Variants in SCNN1B observed in about 807,000 individuals in gnomAD.
SCNN1B encodes epithelial sodium channel subunit beta.
SCNN1B carries 46 observed loss-of-function variants against 65.3 expected under a neutral mutation model. The observed-to-expected ratio is 0.70, with a 90% CI of 0.56 to 0.90. The LOEUF is 0.90. SCNN1B is among the 40% of genes least tolerant of loss of function. SCNN1B has a pLI of 0.00. For missense variants in SCNN1B, 751 were observed against 830.5 expected, an observed-to-expected ratio of 0.90 and a Z score of 1.18; for synonymous variants, 349 against 330.6, an observed-to-expected ratio of 1.06 and a Z score of -0.60.
chr16:23,339,010 C>G (rs1251724067), intron 1 of SCNN1B, among the ~76,000 whole-genome samples: 2 of 152,210 alleles, frequency 1.3e-5, no homozygotes, highest in East Asian at 3.8e-4. Context: ...AAAAGGCTCC[C>G]TGTACAACTT....
intron 2 of SCNN1B, among the ~76,000 whole-genome samples, chr16:23,349,740 G>A (rs1288516689): frequency 1.3e-5 from 2 of 152,034 alleles, no homozygotes; most frequent in Non-Finnish European, 2.9e-5. Context: ...GCCTGCCAGA[G>A]CAAACATGCC....
At chr16:23,339,157 C>T (rs570796851) in intron 1 of SCNN1B, among the ~76,000 whole-genome samples, 3 of 152,206 alleles carry the variant, frequency 2.0e-5, no homozygotes, top group East Asian at 1.9e-4. Flanking sequence ...GCTTTTTACT[C>T]GGCTTAATAT....
intron 1 of SCNN1B, among the ~76,000 whole-genome samples, chr16:23,303,608 T>C (rs1961130648): frequency 6.6e-6 from 1 of 151,908 alleles, no homozygotes; most frequent in African/African-American, 2.4e-5. Flanking sequence ...CCATAGAAAA[T>C]ATGTAAAATA....
Position 23,323,413 on chromosome 16 carries a change from G to T in SCNN1B, c.-9+20976G>T, listed in dbSNP as rs1336169825. 3 of 619,564 alleles carry T rather than the reference G, an allele frequency of 4.8e-6. No homozygotes were observed. In the African/African-American group the frequency reaches 5.5e-5, roughly 11 times the overall value. The allele number at this position is 619,564 out of a possible 1,614,324, so 38.4% of individuals were successfully genotyped here. A position where few individuals can be genotyped will look rare whatever the true frequency, so the allele number is the denominator to read the frequency against. On this transcript the variant is annotated intron_variant, in intron 1 of 12. Transcript: ENST00000343070. ...TACCCAAGGGCTCCAGCATGTGGTTGCATGGGTATATGCAAATAAGAAGCC... is the reference window on the plus strand; with the variant it reads ...TACCCAAGGGCTCCAGCATGTGGTTTCATGGGTATATGCAAATAAGAAGCC...
At chr16:23,283,401 A>T (rs1337096407) in intron 1 of SCNN1B, among the ~76,000 whole-genome samples, 1 of 152,160 alleles carries the variant, frequency 6.6e-6, no homozygotes, top group Non-Finnish European at 1.5e-5. Flanking sequence ...ACAGAGCAAG[A>T]CTCCATCTCC....
chr16:23,352,979 C>T lies in SCNN1B; in HGVS notation c.490C>T (p.Leu164Phe). Reference sequence around the variant, plus strand: ...ACGGAACCCCCACCACCCCATGGTCCTTGATCTCTTTGGAGACAACCACAA... The same window carrying T: ...ACGGAACCCCCACCACCCCATGGTCTTTGATCTCTTTGGAGACAACCACAA... ...DERNPHHPMV[L>F]DLFGDNHNGL... The change falls in exon 3 of 13, where the codon CTT becomes TTT. Residue 164 changes from leucine (L) to phenylalanine (F), a missense_variant. Coordinates refer to ENST00000343070, the MANE Select transcript of SCNN1B (RefSeq NM_000336.3). 3.7e-6 allele frequency: 6 copies of T among 1,614,184 alleles called. No homozygotes were observed. Among genetic ancestry groups the T allele is most frequent in the Non-Finnish European group, 5.1e-6 (6 of 1,180,048 alleles).
At chr16:23,375,298 G>A (rs1962870177) in intron 7 of SCNN1B, among the ~76,000 whole-genome samples, 1 of 152,150 alleles carries the variant, frequency 6.6e-6, no homozygotes, top group African/African-American at 2.4e-5. Flanking sequence ...CCTCTGGGAG[G>A]AAGGAGCACA....
At chr16:23,301,408 G>A (rs1961080776), upstream of SCNN1B, among the ~76,000 whole-genome samples, 1 of 147,018 alleles carries the variant, frequency 6.8e-6, no homozygotes, top group South Asian at 2.1e-4. Context: ...AGGGAGGGAG[G>A]GAGGTGGAGA....
upstream of SCNN1B, among the ~76,000 whole-genome samples, chr16:23,299,077 C>T (rs571470430): frequency 0.06 from 3,852 of 64,348 alleles, 54 homozygotes; most frequent in Non-Finnish European, 0.077. Flanking sequence ...TTTTTTTTTT[C>T]GAGATTGAGT....
chr16:23,367,975 T>C lies in SCNN1B; in HGVS notation c.880+16T>C, dbSNP rs72654339. ...ACTGAATTCGGTGAGTTTTGGTTTA[T>C]CGTGGGGCCAGAGCCATGAGGCTTT... On this transcript the variant is annotated intron_variant, in intron 5 of 12. Transcript: ENST00000343070. 3.2e-5 allele frequency: 50 copies of C among 1,583,608 alleles called. No individual in the cohort carries two copies. In the African/African-American group the frequency reaches 5.7e-4, roughly 18 times the overall value.
intron 4 of SCNN1B, among the ~76,000 whole-genome samples, chr16:23,363,852 G>A (rs1419125882): frequency 6.6e-6 from 1 of 150,478 alleles, no homozygotes; most frequent in Non-Finnish European, 1.5e-5. Context: ...AGATTCTGAT[G>A]TATCTGATAA....
chr16:23,372,958 T>A (rs914665600), intron 7 of SCNN1B, among the ~76,000 whole-genome samples: 3 of 149,560 alleles, frequency 2.0e-5, no homozygotes, highest in African/African-American at 7.3e-5. Flanking sequence ...AAAAAAAAAA[T>A]TAGCCAGGCG....
At chr16:23,376,747 A>C (rs1248881141) in intron 8 of SCNN1B, among the ~76,000 whole-genome samples, 2 of 150,564 alleles carry the variant, frequency 1.3e-5, no homozygotes, top group East Asian at 3.9e-4. Context: ...CCGTCTATAA[A>C]AAAAAAAAAA....
chr16:23,292,443 C>T (rs571265536), intron 2 of SCNN1B, among the ~76,000 whole-genome samples: 5 of 152,122 alleles, frequency 3.3e-5, no homozygotes, highest in African/African-American at 9.6e-5. Flanking sequence ...GTGATCCGCC[C>T]GCCTTGGCCT....
intron 5 of SCNN1B, 43 bp downstream of exon 5, chr16:23,368,002 A>T: frequency 2.1e-6 from 3 of 1,424,340 alleles, no homozygotes; most frequent in Non-Finnish European, 3.0e-6. Context: ...TGAGGCTTTA[A>T]CCACCCCCAC....
chr16:23,335,987 G>A (rs1056460908), intron 1 of SCNN1B, among the ~76,000 whole-genome samples: 1 of 152,142 alleles, frequency 6.6e-6, no homozygotes, highest in Non-Finnish European at 1.5e-5. Context: ...GGCAAAAGAG[G>A]TTCATAGGTG....
chr16:23,334,372 C>T (rs888015685), intron 1 of SCNN1B, among the ~76,000 whole-genome samples: 1 of 152,206 alleles, frequency 6.6e-6, no homozygotes, highest in African/African-American at 2.4e-5. Flanking sequence ...TGCTTTCCAG[C>T]CTTTTTCGAG....
chr16:23,365,651 G>A (rs141129356), intron 4 of SCNN1B, among the ~76,000 whole-genome samples: 25 of 151,916 alleles, frequency 1.6e-4, no homozygotes, highest in African/African-American at 6.0e-4. Flanking sequence ...GGAAGGAGAG[G>A]GGGGTTGATA....
chr16:23,303,515 G>A (rs746204561), intron 1 of SCNN1B, among the ~76,000 whole-genome samples: 12 of 152,060 alleles, frequency 7.9e-5, no homozygotes, highest in Non-Finnish European at 1.6e-4. Context: ...TGCCCTCCCA[G>A]CTCCCCAAAG....
Sources: allele counts gnomAD v4.1 joint callset (sites outside exome capture counted in the v4.1 genomes callset), GRCh38; gene constraint gnomAD v4.1.1; transcripts MANE v1.5; gene names NCBI Gene and HGNC (gene_info 2026-07-23, HGNC 2026-07-21).